The following TSC2 variants were observed in gnomAD, a reference collection of about 807,000 sequenced individuals.
The protein encoded by TSC2 is tuberin.
In TSC2, 29 loss-of-function variants were observed where a neutral mutation model predicts 202.2. The observed-to-expected ratio is 0.14, with a 90% CI of 0.11 to 0.20. TSC2 has a LOEUF of 0.20. Among genes scored for constraint, TSC2 ranks in the 10% least tolerant of loss-of-function variants. The pLI is 1.00. For missense variants in TSC2, 2,429 were observed against 2,420.0 expected (o/e 1.00, Z -0.08); for synonymous variants, 1,349 against 1,044.0 (o/e 1.29, Z -5.63).
intron 2 of TSC2, among the ~76,000 whole-genome samples, chr16:2,050,179 A>T (rs1050052125): frequency 3.3e-5 from 5 of 151,290 alleles, no homozygotes; most frequent in Admixed American, 2.0e-4. Flanking sequence ...CTGGTCTCAA[A>T]CTCCTGACCT....
At chr16:2,072,000 G>T (rs541767266) in intron 19 of TSC2, 66 bp downstream of exon 19, 2 of 1,507,386 alleles carry the variant, frequency 1.3e-6, no homozygotes, top group African/African-American at 1.4e-5. Context: ...GCTGCCACCT[G>T]CCTGCTGGGC....
At position 2,072,229 on chromosome 16, in the gene TSC2, C is replaced by G. The variant is rs1460403520; in HGVS notation, c.2098-12C>G. On this transcript the variant is annotated splice_polypyrimidine_tract_variant and intron_variant, in intron 19 of 41. Coordinates refer to ENST00000219476, the MANE Select transcript of TSC2 (RefSeq NM_000548.5). ...CCAGAAGGCCCTGTCCTGACGCCTC[C>G]TCTCCTCGCAGGAGTCTGACTGGAA... 3.7e-6 allele frequency: 6 copies of G among 1,613,850 alleles called. No individual in the cohort carries two copies. The African/African-American group carries it at 4.0e-5, about 11-fold the overall frequency.
rs755416873 is a variant in TSC2 at position 2,072,232 on chromosome 16, T to C, written c.2098-9T>C. On this transcript the variant is annotated splice_polypyrimidine_tract_variant and intron_variant, in intron 19 of 41. Transcript: ENST00000219476. ...GAAGGCCCTGTCCTGACGCCTCCTCTCCTCGCAGGAGTCTGACTGGAAGGT... is the reference window on the plus strand; with the variant it reads ...GAAGGCCCTGTCCTGACGCCTCCTCCCCTCGCAGGAGTCTGACTGGAAGGT... 5.6e-6 allele frequency: 9 copies of C among 1,613,834 alleles called. No homozygotes were observed. The East Asian group carries it at 2.0e-4, about 36-fold the overall frequency.
intron 6 of TSC2, 198 bp downstream of exon 6, chr16:2,055,717 C>T: frequency 1.8e-6 from 1 of 556,004 alleles, no homozygotes; most frequent in African/African-American, 1.9e-5. Flanking sequence ...ATGGTGAAAC[C>T]CTGTCTCTAC....
chr16:2,085,421 A>G (rs2090654609), intron 36 of TSC2, 99 bp downstream of exon 36: 1 of 1,281,868 alleles, frequency 7.8e-7, no homozygotes. Context: ...CACAGAGCTC[A>G]ACACTGCCGG....
At chr16:2,085,055 G>A (rs766287249) in intron 35 of TSC2, 29 bp downstream of exon 35, 7 of 1,612,452 alleles carry the variant, frequency 4.3e-6, no homozygotes, top group Middle Eastern at 1.7e-4. Context: ...TCCTGCATCC[G>A]CTGGAGCTGT....
rs1596344030 is a variant in TSC2, at chr16:2,071,799, C to T, written c.1962C>T (p.Gly654=). 2.5e-6 allele frequency: 4 copies of T among 1,606,488 alleles called. No homozygotes were observed. Among genetic ancestry groups the T allele is most frequent in the Non-Finnish European group, 8.5e-7 (1 of 1,177,346 alleles). ...CVCDYMEPER[G]SEKKTSGPLS... The stretch of plus-strand genomic sequence containing the variant: ...GCTTCTGCAGGGAGCCAGAGAGAGG[C>T]TCTGAGAAGAAGACCAGCGGCCCCC... Residue 654 remains glycine (G), a synonymous_variant, in exon 19 of 42, where the codon GGC becomes GGT. Transcript: ENST00000219476.
At position 2,061,995 on chromosome 16, in the gene TSC2, C is replaced by T. The variant is rs374936223; in HGVS notation, c.1244C>T (p.Ala415Val). The T allele has an allele frequency of 2.4e-4, 383 of 1,613,972 alleles. No homozygotes were observed. The highest frequency in any genetic ancestry group is 3.0e-4 in the Non-Finnish European group (359 of 1,180,014). ...TACTTTGAACTGGTGGAGAGATGTG[C>T]GGACCAGAGGCCTGTGAGACCCCCT... ...ERYFELVERC[A>V]DQRPESSLLN... is the part of the protein sequence containing the mutation. Residue 415 changes from alanine (A) to valine (V), a missense_variant, in exon 12 of 42, where the codon GCG becomes GTG. Transcript: ENST00000219476.
intron 9 of TSC2, among the ~76,000 whole-genome samples, chr16:2,057,987 T>G (rs2086095220): frequency 1.1e-5 from 1 of 89,148 alleles, no homozygotes; most frequent in African/African-American, 4.7e-5. Flanking sequence ...GGCCCCTGCA[T>G]CTCTCCCAGC....
intron 4 of TSC2, chr16:2,054,010 C>T: frequency 5.8e-6 from 3 of 515,242 alleles, no homozygotes; most frequent in South Asian, 4.0e-5. Flanking sequence ...GCACCGAGTG[C>T]AGGGGTCGGG....
Position 2,085,006 on chromosome 16 carries a change from C to A in TSC2, c.4549C>A (p.Pro1517Thr), listed in dbSNP as rs1057522800. The A allele has an allele frequency of 8.7e-6, 14 of 1,613,432 alleles. No individual in the cohort carries two copies. The highest frequency in any genetic ancestry group is 9.3e-6 in the Non-Finnish European group (11 of 1,179,992). Residue 1517 changes from proline (P) to threonine (T), a missense_variant, in exon 35 of 42, where the codon CCA becomes ACA. Physicochemically the swap from Pro to Thr is conservative, Grantham distance 38. Transcript: ENST00000219476. Reference sequence around the variant, plus strand: ...CTTCTTTGGCGACGAGTCAAACAAGCCAATCCTGCTGCCCAATGAGGTAGG... The same window carrying A: ...CTTCTTTGGCGACGAGTCAAACAAGACAATCCTGCTGCCCAATGAGGTAGG... ...SPFFGDESNK[P>T]ILLPNESQSF... is the part of the protein sequence containing the mutation.
rs1596382606 is a variant in TSC2 at position 2,079,140 on chromosome 16, C to T, written c.3075C>T (p.Thr1025=). Residue 1025 remains threonine, a synonymous_variant, in exon 27 of 42, where the codon ACC becomes ACT. Transcript: ENST00000219476. This position sits in a 1 kb window ranked among gnomAD's most constrained non-coding sequence, Gnocchi z 4.6. The stretch of plus-strand genomic sequence containing the variant: ...ACCTCCACCTGGAGCTCACGGAAAC[C>T]TGTCTGGACATGATGGCTCGATACG... ...LKNLHLELTE[T]CLDMMARYVF... 6.2e-6 allele frequency: 10 copies of T among 1,613,084 alleles called. No individual in the cohort carries two copies. The highest frequency in any genetic ancestry group is 8.5e-6 in the Non-Finnish European group (10 of 1,180,028).
intron 3 of TSC2, among the ~76,000 whole-genome samples, chr16:2,051,635 C>G (rs1191335579): frequency 6.6e-6 from 1 of 152,198 alleles, no homozygotes; most frequent in African/African-American, 2.4e-5. Context: ...CTTGCCTTGC[C>G]CAGCATTTGT....
In TSC2 at chr16:2,084,583, G is replaced by C. The variant is rs758233186; in HGVS notation, c.4361G>C (p.Ser1454Thr). Residue 1454 changes from serine (S) to threonine (T), a missense_variant, in exon 34 of 42, where the codon AGT becomes ACT. Coordinates refer to ENST00000219476, the MANE Select transcript of TSC2 (RefSeq NM_000548.5). Reference sequence around the variant, plus strand: ...CCTTCCAGCTCCCCCCGCTCGCCCAGTGGCCTCCGGCCCCGAGGTTACACC... The same window carrying C: ...CCTTCCAGCTCCCCCCGCTCGCCCACTGGCCTCCGGCCCCGAGGTTACACC... ...PLPSSSPRSP[S>T]GLRPRGYTIS... The C allele has an allele frequency of 6.2e-7, 1 of 1,606,196 alleles. No homozygotes were observed. The highest frequency in any genetic ancestry group is 8.5e-7 in the Non-Finnish European group (1 of 1,179,714).
In TSC2 at chr16:2,062,987, C is replaced by T. The variant is rs45517170; in HGVS notation, c.1377C>T (p.Gly459=). The change falls in exon 14 of 42, where the codon GGC becomes GGT. Residue 459 remains glycine, a synonymous_variant. Coordinates refer to ENST00000219476, the MANE Select transcript of TSC2 (RefSeq NM_000548.5). ...MERFFRSESR[G]AVRIKVLDVL... Reference sequence around the variant, plus strand: ...CGTCCCGCAGGAGCGAGTCCCGAGGCGCCGTGCGCATCAAGGTGCTGGACG... The same window carrying T: ...CGTCCCGCAGGAGCGAGTCCCGAGGTGCCGTGCGCATCAAGGTGCTGGACG... 7.3e-4 allele frequency: 1,132 copies of T among 1,550,996 alleles called. 1 individual carries two copies. The highest frequency in any genetic ancestry group is 1.2e-3 in the Admixed American group (63 of 51,010).
In TSC2 at chr16:2,070,507, C is replaced by T. The variant is rs758824621; in HGVS notation, c.1768C>T (p.Leu590=). The change falls in exon 17 of 42, where the codon CTG becomes TTG. Residue 590 remains leucine, a synonymous_variant. Coordinates refer to ENST00000219476, the MANE Select transcript of TSC2 (RefSeq NM_000548.5). ...ASHATRVYEM[L]VSHIQLHYKH... is the part of the protein sequence containing the mutation. ...CCACGCCACGCGTGTGTATGAGATG[C>T]TGGTCAGCCACATTCAGCTCCACTA... 1 of 1,613,422 alleles carries T rather than the reference C, an allele frequency of 6.2e-7. No individual in the cohort carries two copies.
chr16:2,060,095 TTGTCC>T (rs1261596525), intron 10 of TSC2, among the ~76,000 whole-genome samples: 1 of 152,226 alleles, frequency 6.6e-6, no homozygotes, highest in Admixed American at 6.5e-5. Context: ...AGTGCTGGTC[TTGTCC>T]TGTCTCTGCA....
chr16:2,059,110 C>T (rs2086287779), intron 10 of TSC2, among the ~76,000 whole-genome samples: 1 of 151,184 alleles, frequency 6.6e-6, no homozygotes, highest in Non-Finnish European at 1.5e-5. Context: ...TCTCCGCCTC[C>T]CGGATTCAAG....
chr16:2,088,675 C>T lies in TSC2; in HGVS notation c.*65C>T, dbSNP rs2091235631. On this transcript the variant is annotated 3_prime_UTR_variant, in exon 42 of 42. Transcript: ENST00000219476. Reference sequence around the variant, plus strand: ...TGCCTGTCAGTGAAATAAATAAAGTCCTGACCCCAGTGCACAGACATAGAG... The same window carrying T: ...TGCCTGTCAGTGAAATAAATAAAGTTCTGACCCCAGTGCACAGACATAGAG... 4 of 1,524,246 alleles carry T rather than the reference C, an allele frequency of 2.6e-6. No homozygotes were observed. Among genetic ancestry groups the T allele is most frequent in the Non-Finnish European group, 2.6e-6 (3 of 1,132,516 alleles). The allele number at this position is 1,524,246 out of a possible 1,614,324, so 94.4% of individuals were successfully genotyped here.
Sources: gnomAD v4.1 joint callset for allele counts (sites outside exome capture counted in the v4.1 genomes callset) on GRCh38, gnomAD v4.1.1 for gene constraint, Gnocchi (gnomAD v3.1) non-coding constraint, MANE v1.5 for transcripts, NCBI Gene and HGNC (gene_info 2026-07-23, HGNC 2026-07-21) for gene names.